The following ABI3BP variants were observed in gnomAD, a reference collection of about 807,000 sequenced individuals.
ABI3BP encodes target of Nesh-SH3.
ABI3BP carries 216 observed loss-of-function variants against 268.6 expected under a neutral mutation model. That is an observed-to-expected ratio of 0.80 (90% CI 0.72 to 0.90). The LOEUF is 0.90. Ranked by LOEUF, ABI3BP falls within the 40% of genes least tolerant of loss-of-function variation. The pLI, the probability that ABI3BP is intolerant of heterozygous loss-of-function variation, is 0.00. For synonymous variants in ABI3BP, 730 were observed against 730.0 expected, an observed-to-expected ratio of 1.00 and a Z score of 0.00; for missense variants, 2,090 against 2,182.4, an observed-to-expected ratio of 0.96 and a Z score of 0.84.
intron 63 of ABI3BP, among the ~76,000 whole-genome samples, chr3:100,762,587 A>G (rs573400785): frequency 6.6e-6 from 1 of 152,130 alleles, no homozygotes; most frequent in African/African-American, 2.4e-5. Context: ...TTCCCCAGAT[A>G]CTTTTAGGCT....
chr3:100,890,716 T>C (rs2044202740), intron 4 of ABI3BP, among the ~76,000 whole-genome samples: 1 of 152,152 alleles, frequency 6.6e-6, no homozygotes, highest in African/African-American at 2.4e-5. Context: ...TAAAACCTTA[T>C]GACCAAATTA....
intron 63 of ABI3BP, among the ~76,000 whole-genome samples, chr3:100,763,486 A>G (rs1198014438): frequency 6.6e-6 from 1 of 151,646 alleles, no homozygotes; most frequent in East Asian, 1.9e-4. Flanking sequence ...AAGAAAAAAG[A>G]AAAAATCTAG....
chr3:100,902,222 G>T (rs551476711), intron 3 of ABI3BP, among the ~76,000 whole-genome samples: 1 of 152,228 alleles, frequency 6.6e-6, no homozygotes, highest in African/African-American at 2.4e-5. Flanking sequence ...CATCTGAAAG[G>T]CACAATAGTG....
chr3:100,978,779 G>A (rs949584483), intron 1 of ABI3BP, among the ~76,000 whole-genome samples: 9 of 152,116 alleles, frequency 5.9e-5, no homozygotes, highest in African/African-American at 1.7e-4. Context: ...AGTAGTACCC[G>A]AGTGCTTTGT....
chr3:100,760,702 G>A (rs77852349), intron 63 of ABI3BP, among the ~76,000 whole-genome samples: 1,873 of 152,184 alleles, frequency 0.012, 35 homozygotes, highest in African/African-American at 0.043. Flanking sequence ...ACTTATTAAG[G>A]CATACTTTAT....
chr3:100,954,324 A>G (rs1266589844), intron 1 of ABI3BP, among the ~76,000 whole-genome samples: 1 of 152,172 alleles, frequency 6.6e-6, no homozygotes, highest in Non-Finnish European at 1.5e-5. Context: ...TTTTGGTAAA[A>G]TTATAAACAA....
At position 100,850,057 on chromosome 3, in the gene ABI3BP, G is replaced by A. The variant is rs773524734; in HGVS notation, c.1489C>T (p.Pro497Ser). The part of the protein sequence containing the change: ...LEIFTSPEMQ[P>S]TTPAPQQTTS... ...TGTCATTAGTTACCAGGTGTCGTAGGCTGCATTTCTGGACTGGTAAAGATT... is the reference window on the plus strand; with the variant it reads ...TGTCATTAGTTACCAGGTGTCGTAGACTGCATTTCTGGACTGGTAAAGATT... The change falls in exon 17 of 68, where the codon CCT becomes TCT. Residue 497 changes from proline to serine, a missense_variant. Coordinates refer to ENST00000471714, the MANE Select transcript of ABI3BP (RefSeq NM_001375547.2). 1 of 1,611,262 alleles carries A rather than the reference G, an allele frequency of 6.2e-7. No homozygotes were observed. The highest frequency in any genetic ancestry group is 8.5e-7 in the Non-Finnish European group (1 of 1,178,856).
At chr3:100,765,767 A>C in intron 63 of ABI3BP, 74 bp downstream of exon 63, 71 of 1,066,122 alleles carry the variant, frequency 6.7e-5, no homozygotes, top group Non-Finnish European at 9.5e-5. Context: ...GAAGATGATT[A>C]TCATTTCTTT....
intron 16 of ABI3BP, 22 bp from the exon 17 acceptor site, chr3:100,850,141 C>A (rs753139138): frequency 1.3e-6 from 2 of 1,594,184 alleles, no homozygotes; most frequent in East Asian, 4.5e-5. Context: ...AACACCCCAA[C>A]CCATCAAATA....
At chr3:100,756,468 A>G (rs1438385107) in intron 63 of ABI3BP, among the ~76,000 whole-genome samples, 1 of 152,250 alleles carries the variant, frequency 6.6e-6, no homozygotes, top group Non-Finnish European at 1.5e-5. Context: ...CAGAAATCAC[A>G]CACACATGGG....
intron 39 of ABI3BP, among the ~76,000 whole-genome samples, 194 bp downstream of exon 39, chr3:100,820,860 G>GCTAACTCTTTTAAAAA (rs1205829422): frequency 1.3e-5 from 2 of 152,166 alleles, no homozygotes; most frequent in Admixed American, 1.3e-4. Flanking sequence ...TTAGGTTCAT[G>GCTAACTCTTTTAAAAA]CATGGCTCTT....
chr3:100,985,568 G>A (rs2091467758), intron 1 of ABI3BP, among the ~76,000 whole-genome samples: 1 of 138,776 alleles, frequency 7.2e-6, no homozygotes, highest in South Asian at 2.4e-4. Flanking sequence ...AGGGATAAAA[G>A]CGTTTTTTCT....
intron 1 of ABI3BP, among the ~76,000 whole-genome samples, chr3:100,976,872 T>C (rs1205273932): frequency 2.6e-5 from 4 of 152,200 alleles, no homozygotes; most frequent in African/African-American, 4.8e-5. Flanking sequence ...CCAATACAGA[T>C]CCACACCCTT....
At position 100,754,765 on chromosome 3, in the gene ABI3BP, G is replaced by T. The variant is rs1289612980; in HGVS notation, c.4851-74C>A. On this transcript the variant is annotated intron_variant, in intron 63 of 67. Transcript: ENST00000471714. ...AGGAGGCAACATTGCCCTATTATAC[G>T]GACATCCACTATACTGACATCCCTT... The T allele has an allele frequency of 5.1e-6, 6 of 1,187,812 alleles. No homozygotes were observed. In the East Asian group the frequency reaches 1.5e-4, roughly 30 times the overall value. 73.6% of individuals were successfully genotyped at this position (1,187,812 alleles called of 1,614,324 possible).
In ABI3BP at chr3:100,862,821, T is replaced by A. The variant is rs1344331125; in HGVS notation, c.1210+17A>T. ...CCACCCACAGCCTTAATATTAAATTTAAGGTACTCTTATTACCCAATGTGC... is the reference window on the plus strand; with the variant it reads ...CCACCCACAGCCTTAATATTAAATTAAAGGTACTCTTATTACCCAATGTGC... On this transcript the variant is annotated intron_variant, in intron 13 of 67. Coordinates refer to ENST00000471714, the MANE Select transcript of ABI3BP (RefSeq NM_001375547.2). The A allele has an allele frequency of 6.6e-7, 1 of 1,512,838 alleles. No homozygotes were observed. The highest frequency in any genetic ancestry group is 8.9e-7 in the Non-Finnish European group (1 of 1,127,854). The allele number at this position is 1,512,838 out of a possible 1,614,324, so 93.7% of individuals were successfully genotyped here. A position where few individuals can be genotyped will look rare whatever the true frequency, so the allele number is the denominator to read the frequency against.
chr3:100,876,030 A>G (rs946873713), intron 7 of ABI3BP, among the ~76,000 whole-genome samples: 7 of 152,164 alleles, frequency 4.6e-5, no homozygotes, highest in Non-Finnish European at 1.0e-4. Context: ...CTATTTTTTT[A>G]AGGGCCCTGT....
At position 100,774,679 on chromosome 3, in the gene ABI3BP, A is replaced by G. The variant is rs2096650058; in HGVS notation, c.4463-6T>C. ...GCTAAAGTCAGTTATATTTTCTGAG[A>G]ATGGAAAATAATGAACAGTTTTGGC... On this transcript the variant is annotated splice_region_variant and splice_polypyrimidine_tract_variant and intron_variant, in intron 60 of 67. Transcript: ENST00000471714. 1 of 1,551,942 alleles carries G rather than the reference A, an allele frequency of 6.4e-7. No homozygotes were observed. The highest frequency in any genetic ancestry group is 1.2e-5 in the South Asian group (1 of 82,150).
chr3:100,886,229 G>C lies in ABI3BP; in HGVS notation c.556C>G (p.Pro186Ala). Residue 186 changes from proline (P) to alanine (A), a missense_variant, in exon 5 of 68, where the codon CCC becomes GCC. Pro to Ala is a conservative substitution (Grantham distance 27). Transcript: ENST00000471714. ...ATETIVENLK[P>A]NTVYEFGVKD... ...ACTCCAAATTCATAAACTGTGTTGG[G>C]CTTTAGGTTTTCCACAATTGTTTCA... 1.9e-6 allele frequency: 3 copies of C among 1,610,976 alleles called. No individual in the cohort carries two copies. Among genetic ancestry groups the C allele is most frequent in the Non-Finnish European group, 2.5e-6 (3 of 1,178,232 alleles).
rs12106962 is a variant in ABI3BP at position 100,936,296 on chromosome 3, T to C, written c.80-9815A>G. 9.0e-3 allele frequency among the ~76,000 whole-genome samples: 1,375 copies of C among 152,344 alleles called. 17 individuals are homozygous for C. The highest frequency in any genetic ancestry group is 0.031 in the African/African-American group (1,283 of 41,582). On this transcript the variant is annotated intron_variant, in intron 1 of 67. Coordinates refer to ENST00000471714, the MANE Select transcript of ABI3BP (RefSeq NM_001375547.2). ...ATTACATTTATTAATTTGCGTATGT[T>C]GAACCAGCCTTGCATCCCAGGGATG...
Sources: gnomAD v4.1 joint callset for allele counts (sites outside exome capture counted in the v4.1 genomes callset) on GRCh38, gnomAD v4.1.1 for gene constraint, MANE v1.5 for transcripts, NCBI Gene and HGNC (gene_info 2026-07-23, HGNC 2026-07-21) for gene names.